Variants in SLC9A2 observed in about 807,000 individuals in gnomAD.
The protein encoded by SLC9A2 is solute carrier family 9 member A2.
In SLC9A2, 42 loss-of-function variants were observed where a neutral mutation model predicts 71.7. The observed-to-expected ratio is 0.59, with a 90% CI of 0.46 to 0.76. The LOEUF (loss-of-function observed/expected upper bound fraction) is 0.76. Among genes scored for constraint, SLC9A2 ranks in the 30% least tolerant of loss-of-function variants. The probability of loss-of-function intolerance (pLI) is 0.00; values close to 1 mark genes in which losing one functional copy is unlikely to be tolerated. For missense variants in SLC9A2, 829 were observed against 1,017.4 expected, an observed-to-expected ratio of 0.81 and a Z score of 2.52; for synonymous variants, 396 against 392.5, an observed-to-expected ratio of 1.01 and a Z score of -0.10.
intron 1 of SLC9A2, among the ~76,000 whole-genome samples, chr2:102,638,095 A>ATG (rs1290009987): frequency 8.5e-5 from 13 of 152,194 alleles, no homozygotes; most frequent in Non-Finnish European, 1.9e-4. Context: ...GTTTCTCAAT[A>ATG]TGAGCTCAAT....
intron 7 of SLC9A2, chr2:102,697,444 C>T (rs1044494517): frequency 1.3e-5 from 2 of 151,872 alleles, no homozygotes; most frequent in African/African-American, 2.4e-5. Context: ...GATGGGAGAG[C>T]CAACCTTGCT....
At chr2:102,707,573 G>A (rs1678006632) in intron 11 of SLC9A2, among the ~76,000 whole-genome samples, 1 of 152,088 alleles carries the variant, frequency 6.6e-6, no homozygotes, top group South Asian at 2.1e-4. Flanking sequence ...GTTTGCAAAG[G>A]GTTTTCGCCC....
At chr2:102,678,610 A>G (rs1677389121) in intron 3 of SLC9A2, among the ~76,000 whole-genome samples, 1 of 152,108 alleles carries the variant, frequency 6.6e-6, no homozygotes, top group Non-Finnish European at 1.5e-5. Flanking sequence ...GTGATGGAGG[A>G]AGAAATCTTA....
chr2:102,657,283 C>T (rs372169093), intron 1 of SLC9A2, among the ~76,000 whole-genome samples: 1 of 151,836 alleles, frequency 6.6e-6, no homozygotes, highest in Non-Finnish European at 1.5e-5. Context: ...AAAATCTCAA[C>T]GGGGATTTAG....
chr2:102,682,765 A>G (rs1238875402), intron 3 of SLC9A2, among the ~76,000 whole-genome samples: 1 of 152,194 alleles, frequency 6.6e-6, no homozygotes, highest in Non-Finnish European at 1.5e-5. Flanking sequence ...TTGTTGACCA[A>G]TTATATGGCA....
intron 2 of SLC9A2, among the ~76,000 whole-genome samples, chr2:102,663,157 A>G (rs1677078205): frequency 1.3e-5 from 2 of 152,280 alleles, no homozygotes; most frequent in South Asian, 4.1e-4. Flanking sequence ...GTACTACATG[A>G]AGCCATTTTC....
chr2:102,685,745 C>A (rs35969810), intron 5 of SLC9A2, among the ~76,000 whole-genome samples: 9,536 of 151,994 alleles, frequency 0.063, 402 homozygotes, highest in Middle Eastern at 0.16. Flanking sequence ...GGTGGGGAGA[C>A]TGTCAGTTCA....
At chr2:102,683,948 A>G (rs17027748) in intron 4 of SLC9A2, among the ~76,000 whole-genome samples, 186 bp from the exon 5 acceptor site, 8,453 of 152,236 alleles carry the variant, frequency 0.056, 457 homozygotes, top group African/African-American at 0.14. Flanking sequence ...TTTCACCCAC[A>G]ATCCTGAAAC....
chr2:102,650,776 A>C (rs144079029), intron 1 of SLC9A2, among the ~76,000 whole-genome samples: 121 of 152,296 alleles, frequency 7.9e-4, no homozygotes, highest in Non-Finnish European at 9.4e-4. Flanking sequence ...GTTAATAAGA[A>C]CATATGGCGA....
chr2:102,682,753 A>T (rs1015172273), intron 3 of SLC9A2, among the ~76,000 whole-genome samples: 1 of 152,210 alleles, frequency 6.6e-6, no homozygotes, highest in African/African-American at 2.4e-5. Flanking sequence ...AATCGAAAAC[A>T]GTTGTTGACC....
intron 1 of SLC9A2, among the ~76,000 whole-genome samples, chr2:102,656,447 A>G (rs953830580): frequency 6.6e-6 from 1 of 152,204 alleles, no homozygotes. Flanking sequence ...CTCTGTTTCC[A>G]TAGCACTTGG....
chr2:102,662,764 TA>T (rs140515050), intron 2 of SLC9A2, among the ~76,000 whole-genome samples: 222 of 147,050 alleles, frequency 1.5e-3, no homozygotes, highest in African/African-American at 3.2e-3. Flanking sequence ...GAAAGCAGTT[TA>T]AAAAAAAAAA....
chr2:102,696,080 TGGGGTACAGGAGCCAG>T (rs1375168677), intron 7 of SLC9A2, among the ~76,000 whole-genome samples: 3 of 151,866 alleles, frequency 2.0e-5, no homozygotes, highest in Non-Finnish European at 4.4e-5. Context: ...CTAGGAGCAG[TGGGGTACAGGAGCCAG>T]CCCCCACTTG....
intron 11 of SLC9A2, among the ~76,000 whole-genome samples, chr2:102,706,174 C>G (rs1319157263): frequency 1.9e-5 from 1 of 53,620 alleles, no homozygotes; most frequent in African/African-American, 6.8e-5. Flanking sequence ...AAAAAATTAG[C>G]CGGGCGCGGT....
rs376788341 is a variant in SLC9A2 at position 102,708,078 on chromosome 2, C to G, written c.2069-41C>G. On this transcript the variant is annotated intron_variant, in intron 11 of 11. Transcript: ENST00000233969. ...ACTGAAGTTACTTGCAATGCCTTCT[C>G]TCTAAAATGCTTGCCCACCTTGTCT... 4 of 1,578,990 alleles carry G rather than the reference C, an allele frequency of 2.5e-6. No individual in the cohort carries two copies. In the African/African-American group the frequency reaches 5.4e-5, roughly 21 times the overall value.
At chr2:102,707,010 C>T (rs1198508411) in intron 11 of SLC9A2, among the ~76,000 whole-genome samples, 3 of 151,938 alleles carry the variant, frequency 2.0e-5, no homozygotes, top group African/African-American at 7.3e-5. Flanking sequence ...AACCAAATAC[C>T]ATATATTTTC....
intron 3 of SLC9A2, among the ~76,000 whole-genome samples, chr2:102,666,389 G>A (rs1363344814): frequency 3.3e-5 from 5 of 151,962 alleles, no homozygotes; most frequent in Non-Finnish European, 1.5e-5. Flanking sequence ...AGTAGAGACG[G>A]GGTTTCACCG....
chr2:102,657,857 G>A lies in SLC9A2; in HGVS notation c.583G>A (p.Glu195Lys), dbSNP rs61743555. ...GTCTTTGTTTGGTATCTGCCAGATC[G>A]AAGCATTCGGCCTCAGCGACATCAC... ...GVSLFGICQI[E>K]AFGLSDITLL... Residue 195 changes from glutamate (E) to lysine (K), a missense_variant, in exon 2 of 12, where the codon GAA becomes AAA. Glu to Lys is a moderately conservative substitution (Grantham distance 56, BLOSUM62 1). Around this residue, in one of 3 missense-constraint regions of SLC9A2, gnomAD observed 500 missense variants for 726.3 expected, o/e 0.69. Coordinates refer to ENST00000233969, the MANE Select transcript of SLC9A2 (RefSeq NM_003048.6). 1.7e-5 allele frequency: 27 copies of A among 1,614,102 alleles called. No homozygotes were observed. Among genetic ancestry groups the A allele is most frequent in the South Asian group, 1.5e-4 (14 of 91,086 alleles).
At chr2:102,637,060 T>C (rs560988378) in intron 1 of SLC9A2, among the ~76,000 whole-genome samples, 1 of 152,142 alleles carries the variant, frequency 6.6e-6, no homozygotes, top group Admixed American at 6.5e-5. Context: ...CTTGAGGAGA[T>C]GAAAAAGTTA....
Sources: allele counts gnomAD v4.1 joint callset (sites outside exome capture counted in the v4.1 genomes callset), GRCh38; gene constraint gnomAD v4.1.1; regional missense constraint gnomAD v4.1.1; transcripts MANE v1.5; gene names NCBI Gene and HGNC (gene_info 2026-07-23, HGNC 2026-07-21).